The following CFAP54 variants were observed in gnomAD, a reference collection of about 807,000 sequenced individuals.
The protein encoded by CFAP54 is cilia and flagella associated protein 54.
Under a neutral mutation model 370.4 loss-of-function variants are expected in CFAP54, and 290 were observed. The observed-to-expected ratio is 0.78, with a 90% confidence interval of 0.71 to 0.86. The LOEUF is 0.86. Ranked by LOEUF, CFAP54 falls within the 40% of genes least tolerant of loss-of-function variation. The probability of loss-of-function intolerance (pLI) is 0.00; values close to 1 mark genes in which losing one functional copy is unlikely to be tolerated. For synonymous variants in CFAP54, 1,206 were observed against 1,236.5 expected (o/e 0.98, Z 0.52); for missense variants, 3,399 against 3,528.7 (o/e 0.96, Z 0.93).
intron 39 of CFAP54, among the ~76,000 whole-genome samples, chr12:96,665,493 T>C (rs1350297771): frequency 6.6e-6 from 1 of 152,208 alleles, no homozygotes; most frequent in Non-Finnish European, 1.5e-5. Flanking sequence ...AGTTAGTTTA[T>C]GTATATAGTG....
intron 52 of CFAP54, among the ~76,000 whole-genome samples, chr12:96,742,930 T>G (rs182067868): frequency 6.6e-6 from 1 of 152,328 alleles, no homozygotes; most frequent in Admixed American, 6.5e-5. Context: ...GATCCACTAC[T>G]TCCTTGCCAA....
At chr12:96,610,829 A>C (rs1315819745) in intron 26 of CFAP54, among the ~76,000 whole-genome samples, 1 of 152,198 alleles carries the variant, frequency 6.6e-6, no homozygotes, top group East Asian at 1.9e-4. Flanking sequence ...AGGTGGCAGC[A>C]AGGCTGGGGG....
chr12:96,791,321 A>G (rs916360106), intron 62 of CFAP54, among the ~76,000 whole-genome samples: 7 of 151,242 alleles, frequency 4.6e-5, no homozygotes, highest in African/African-American at 1.7e-4. Flanking sequence ...TATTATCTCT[A>G]TGGCTAGCCT....
In CFAP54 at chr12:96,527,375, G is replaced by A. The variant is rs1163339047; in HGVS notation, c.1288G>A (p.Val430Ile). The A allele has an allele frequency of 1.3e-6, 2 of 1,535,094 alleles. No individual in the cohort carries two copies. The highest frequency in any genetic ancestry group is 8.7e-7 in the Non-Finnish European group (1 of 1,146,350). The stretch of plus-strand genomic sequence containing the variant: ...GCGAATACTGCAAACTGGACCCATT[G>A]TTACAGATGAAGTGGAGATTCATGA... The part of the protein sequence containing the change: ...NRRILQTGPI[V>I]TDEVEIHDVV... The change falls in exon 9 of 68, where the codon GTT becomes ATT. Residue 430 changes from valine (V) to isoleucine (I), a missense_variant. Val to Ile is a conservative substitution (Grantham distance 29). This residue lies in a region of CFAP54 where 559 missense variants were observed against 576.7 expected (regional missense o/e 0.97). Transcript: ENST00000524981.
At chr12:96,744,349 A>G (rs547448866) in intron 55 of CFAP54, among the ~76,000 whole-genome samples, 3 of 152,342 alleles carry the variant, frequency 2.0e-5, no homozygotes, top group South Asian at 4.1e-4. Context: ...TGAATAAAGT[A>G]TGTGGTTGAT....
rs1958599226 is a variant in CFAP54 at position 96,783,456 on chromosome 12, G to A, written c.8282-1261G>A. On this transcript the variant is annotated intron_variant, in intron 60 of 67. Transcript: ENST00000524981. Reference sequence around the variant, plus strand: ...ATGTTATTTATGTGCATGTATATATGTAAATGATAGAAATAATCATATTGT... The same window carrying A: ...ATGTTATTTATGTGCATGTATATATATAAATGATAGAAATAATCATATTGT... Among the ~76,000 whole-genome samples, 3 of 152,276 alleles carry A rather than the reference G, an allele frequency of 2.0e-5. No homozygotes were observed. The South Asian group carries it at 6.2e-4, about 32-fold the overall frequency.
intron 38 of CFAP54, among the ~76,000 whole-genome samples, chr12:96,662,317 G>A (rs1957004210): frequency 6.6e-6 from 1 of 152,128 alleles, no homozygotes; most frequent in Admixed American, 6.5e-5. Context: ...CGATTTTCAT[G>A]CCTCAGCTTC....
chr12:96,589,252 G>A (rs754996033), intron 22 of CFAP54, among the ~76,000 whole-genome samples, 175 bp from the exon 23 acceptor site: 9 of 152,178 alleles, frequency 5.9e-5, no homozygotes, highest in African/African-American at 1.7e-4. Flanking sequence ...GCCATTGGCC[G>A]TTACCTGACC....
intron 19 of CFAP54, among the ~76,000 whole-genome samples, chr12:96,571,940 AC>A (rs1232347191): frequency 6.6e-6 from 1 of 152,168 alleles, no homozygotes; most frequent in Non-Finnish European, 1.5e-5. Context: ...TTTGTTATAA[AC>A]TTTTCTTTTG....
At chr12:96,833,941 A>G (rs1592796448) in intron 66 of CFAP54, among the ~76,000 whole-genome samples, 4 of 152,276 alleles carry the variant, frequency 2.6e-5, no homozygotes, top group Admixed American at 2.6e-4. Context: ...TCCTTGTTTT[A>G]GAGATGAGGA....
At chr12:96,641,936 T>TGGGGGGGGGGG (rs758561828) in intron 32 of CFAP54, among the ~76,000 whole-genome samples, 34 of 85,180 alleles carry the variant, frequency 4.0e-4, no homozygotes, top group Admixed American at 1.2e-3. Flanking sequence ...TGTGGGGTGG[T>TGGGGGGGGGGG]GCGGGGGGGG....
chr12:96,628,312 G>A (rs1956568049), intron 30 of CFAP54, among the ~76,000 whole-genome samples: 2 of 152,208 alleles, frequency 1.3e-5, no homozygotes, highest in Non-Finnish European at 2.9e-5. Flanking sequence ...GTCAGTCAGA[G>A]CTCCACAGAG....
chr12:96,752,050 G>C (rs1019478829), intron 55 of CFAP54, among the ~76,000 whole-genome samples: 3 of 147,322 alleles, frequency 2.0e-5, no homozygotes, highest in African/African-American at 7.5e-5. Flanking sequence ...CATCCCGCCT[G>C]GTTCAGAGTA....
At chr12:96,715,517 A>G (rs919985173) in intron 48 of CFAP54, among the ~76,000 whole-genome samples, 1 of 152,142 alleles carries the variant, frequency 6.6e-6, no homozygotes, top group Non-Finnish European at 1.5e-5. Flanking sequence ...GGTACTGTCA[A>G]TGGATTATGG....
chr12:96,626,712 A>G (rs1200765154), intron 29 of CFAP54, 101 bp from the exon 30 acceptor site: 2 of 562,222 alleles, frequency 3.6e-6, no homozygotes, highest in Non-Finnish European at 5.5e-6. Flanking sequence ...CAGATTAATA[A>G]ACTTGCCTGT....
At chr12:96,506,288 G>A (rs115366850) in intron 3 of CFAP54, among the ~76,000 whole-genome samples, 17,964 of 149,026 alleles carry the variant, frequency 0.12, 1,152 homozygotes, top group Middle Eastern at 0.19. Context: ...GCAGTGAGCC[G>A]AGGTCAGCCA....
chr12:96,686,064 A>C (rs998523972), intron 42 of CFAP54, among the ~76,000 whole-genome samples: 2 of 152,248 alleles, frequency 1.3e-5, no homozygotes, highest in African/African-American at 4.8e-5. Flanking sequence ...TGCTAGGGCT[A>C]TCATAACAAA....
intron 46 of CFAP54, among the ~76,000 whole-genome samples, chr12:96,702,252 A>C (rs1957500713): frequency 6.6e-6 from 1 of 152,072 alleles, no homozygotes; most frequent in Non-Finnish European, 1.5e-5. Flanking sequence ...CATGTTAAGT[A>C]TGAGAGTCCC....
intron 58 of CFAP54, among the ~76,000 whole-genome samples, chr12:96,757,820 A>G (rs1187229253): frequency 1.3e-5 from 2 of 152,184 alleles, no homozygotes; most frequent in Non-Finnish European, 2.9e-5. Flanking sequence ...TGAAAATGTT[A>G]TCCATAAAAT....
Sources: gnomAD v4.1 joint callset for allele counts (sites outside exome capture counted in the v4.1 genomes callset) on GRCh38, gnomAD v4.1.1 for gene constraint, gnomAD v4.1.1 regional missense constraint, MANE v1.5 for transcripts, NCBI Gene and HGNC (gene_info 2026-07-23, HGNC 2026-07-21) for gene names.